Variants in OR2L13 observed in about 807,000 individuals in gnomAD.
OR2L13 encodes olfactory receptor family 2 subfamily L member 13, also known as olfactory receptor 2L13.
OR2L13 carries 14 observed loss-of-function variants against 15.3 expected under a neutral mutation model. The ratio of observed to expected loss-of-function variants is 0.91; its 90% confidence interval spans 0.60 to 1.43. OR2L13 has a LOEUF of 1.43. Among genes scored for constraint, OR2L13 ranks in the 40% most tolerant of loss-of-function variants. The pLI is 0.00. For missense variants in OR2L13, 367 were observed against 387.9 expected, an observed-to-expected ratio of 0.95 and a Z score of 0.45; for synonymous variants, 152 against 142.9, an observed-to-expected ratio of 1.06 and a Z score of -0.45.
At chr1:247,998,575 G>T in the OR2L13 span, among the ~76,000 whole-genome samples, 5 of 152,148 alleles carry the variant, frequency 3.3e-5, no homozygotes, top group African/African-American at 1.2e-4. Context: ...TACCTAGAAA[G>T]TACTAGTGTT....
the OR2L13 span, among the ~76,000 whole-genome samples, chr1:247,954,114 T>G: frequency 0.84 from 127,207 of 152,084 alleles, 56,861 homozygotes; most frequent in Non-Finnish European, 0.98. Context: ...TTGTTTCCTA[T>G]ACCTGGGCAG....
At chr1:247,974,293 G>A in the OR2L13 span, among the ~76,000 whole-genome samples, 27 of 152,192 alleles carry the variant, frequency 1.8e-4, no homozygotes, top group Non-Finnish European at 3.5e-4. Context: ...AGGAGGGATA[G>A]CATTAGGACA....
At chr1:248,061,017 A>G in the OR2L13 span, 3 of 1,614,068 alleles carry the variant, frequency 1.9e-6, no homozygotes, top group Non-Finnish European at 2.5e-6. Context: ...CAGAAGCACT[A>G]CTTTTGGCAT....
At chr1:248,026,567 G>A in the OR2L13 span, among the ~76,000 whole-genome samples, 1 of 152,198 alleles carries the variant, frequency 6.6e-6, no homozygotes, top group Non-Finnish European at 1.5e-5. Flanking sequence ...AATACTGCAT[G>A]ATCTCACTTA....
At chr1:248,095,926 C>T (rs1489342692), upstream of OR2L13, among the ~76,000 whole-genome samples, 3 of 151,592 alleles carry the variant, frequency 2.0e-5, 1 homozygote, top group African/African-American at 7.3e-5. Context: ...TTTTATACCA[C>T]TATATAAACT....
exon 3 of OR2L13, chr1:248,099,689 C>G (rs764215410): frequency 6.2e-7 from 1 of 1,614,050 alleles, no homozygotes; most frequent in African/African-American, 1.3e-5. Flanking sequence ...TTCTTCCTGA[C>G]CATGGCGTGT....
chr1:247,975,780 T>G, the OR2L13 span: 11 of 383,338 alleles, frequency 2.9e-5, no homozygotes, highest in African/African-American at 2.3e-4. Flanking sequence ...TAGAAAATTT[T>G]TTAAAATTGA....
the OR2L13 span, among the ~76,000 whole-genome samples, chr1:248,053,303 T>C: frequency 5.9e-5 from 9 of 152,198 alleles, no homozygotes; most frequent in Non-Finnish European, 1.2e-4. Flanking sequence ...TTTATGGCTG[T>C]ATAGTATTCC....
At chr1:247,954,881 A>G in the OR2L13 span, among the ~76,000 whole-genome samples, 121,332 of 151,960 alleles carry the variant, frequency 0.8, 52,622 homozygotes, top group South Asian at 0.95. Flanking sequence ...TATACAGTAC[A>G]ACTTCTATTT....
chr1:248,026,659 T>C, the OR2L13 span, among the ~76,000 whole-genome samples: 2 of 152,176 alleles, frequency 1.3e-5, no homozygotes, highest in East Asian at 3.8e-4. Flanking sequence ...TTGTGAAGAT[T>C]TCATGGACAT....
chr1:248,070,609 A>G, the OR2L13 span, among the ~76,000 whole-genome samples: 1 of 152,238 alleles, frequency 6.6e-6, no homozygotes, highest in African/African-American at 2.4e-5. Flanking sequence ...AGCAGAAGGC[A>G]AGAAATAACT....
the OR2L13 span, chr1:247,939,681 T>G: frequency 6.6e-6 from 1 of 152,238 alleles, no homozygotes; most frequent in Non-Finnish European, 1.5e-5. Context: ...CTATAGAGTG[T>G]TGTTAGTTTC....
the OR2L13 span, among the ~76,000 whole-genome samples, chr1:248,057,677 G>A: frequency 6.6e-6 from 1 of 151,940 alleles, no homozygotes; most frequent in Non-Finnish European, 1.5e-5. Flanking sequence ...GCTCTAATCA[G>A]CATTTTCTCA....
At chr1:248,035,252 C>T in the OR2L13 span, among the ~76,000 whole-genome samples, 1 of 151,906 alleles carries the variant, frequency 6.6e-6, no homozygotes, top group East Asian at 1.9e-4. Flanking sequence ...AGATCGAGAC[C>T]ATCCTGGCTA....
the OR2L13 span, among the ~76,000 whole-genome samples, chr1:248,056,225 G>T: frequency 2.0e-5 from 3 of 151,828 alleles, no homozygotes; most frequent in Non-Finnish European, 2.9e-5. Flanking sequence ...ACAACGTGCA[G>T]GTTAGTTACA....
chr1:248,032,141 T>C, the OR2L13 span, among the ~76,000 whole-genome samples: 2 of 152,106 alleles, frequency 1.3e-5, no homozygotes, highest in Non-Finnish European at 2.9e-5. Context: ...TAAAAAGTAA[T>C]TTGTTCTTCT....
the OR2L13 span, among the ~76,000 whole-genome samples, chr1:247,999,377 G>T: frequency 6.6e-6 from 1 of 152,212 alleles, no homozygotes; most frequent in East Asian, 1.9e-4. Context: ...TGTGAGAGCT[G>T]ATGCACTATT....
At chr1:247,979,739 G>A in the OR2L13 span, among the ~76,000 whole-genome samples, 25 of 152,176 alleles carry the variant, frequency 1.6e-4, no homozygotes, top group East Asian at 2.5e-3. Context: ...CTTCTCTGTT[G>A]GTCCCGCTGG....
At chr1:248,049,953 AG>A in the OR2L13 span, among the ~76,000 whole-genome samples, 2 of 152,146 alleles carry the variant, frequency 1.3e-5, no homozygotes, top group African/African-American at 2.4e-5. Context: ...GATCTAGAGG[AG>A]TTTACTGAAA....
Sources: gnomAD v4.1 joint callset for allele counts (sites outside exome capture counted in the v4.1 genomes callset) on GRCh38, gnomAD v4.1.1 for gene constraint, MANE v1.5 for transcripts, NCBI Gene and HGNC (gene_info 2026-07-23, HGNC 2026-07-21) for gene names.